Variants in ZNF133 observed in about 807,000 individuals in gnomAD.
ZNF133 encodes the protein zinc finger protein 133 (clone pHZ-13).
Under a neutral mutation model 54.9 loss-of-function variants are expected in ZNF133, and 26 were observed. The ratio of observed to expected loss-of-function variants is 0.47; its 90% confidence interval spans 0.35 to 0.66. ZNF133 has a LOEUF of 0.66. ZNF133 is among the 30% of genes least tolerant of loss of function. ZNF133 has a pLI of 0.01. For synonymous variants in ZNF133, 298 were observed against 320.3 expected, an observed-to-expected ratio of 0.93 and a Z score of 0.74; for missense variants, 653 against 820.8, an observed-to-expected ratio of 0.80 and a Z score of 2.50.
chr20:18,302,451 G>C (rs2043592562), intron 3 of ZNF133, among the ~76,000 whole-genome samples: 1 of 148,298 alleles, frequency 6.7e-6, no homozygotes, highest in Non-Finnish European at 1.5e-5. Context: ...CACATTAACA[G>C]ATGAAAGAAA....
chr20:18,315,534 AC>A lies in ZNF133; in HGVS notation c.685del (p.Leu229CysfsTer25). The A allele has an allele frequency of 6.2e-7, 1 of 1,614,182 alleles. No homozygotes were observed. Among genetic ancestry groups the A allele is most frequent in the Non-Finnish European group, 8.5e-7 (1 of 1,180,032 alleles). On this transcript the variant is annotated frameshift_variant, in exon 7 of 7. Coordinates refer to ENST00000425686, the MANE Select transcript of ZNF133 (RefSeq NM_001352452.2). LOFTEE classifies it high-confidence loss of function. Reference protein sequence around the residue: ...ECGLSFSKMTNLLSHQRIHSG... With the variant: ...ECGLSFSKMTXLLSHQRIHSG... ...GGACTGAGCTTCAGCAAGATGACAA[AC>A]CTGCTCAGTCACCAGCGGATACACT... is the stretch of plus-strand genomic sequence containing the variant.
intron 1 of ZNF133, among the ~76,000 whole-genome samples, chr20:18,292,825 G>T (rs759670415): frequency 1.3e-5 from 2 of 152,172 alleles, no homozygotes; most frequent in Non-Finnish European, 2.9e-5. Flanking sequence ...CCAAATGAAG[G>T]CATAATCCAT....
At chr20:18,307,381 T>G (rs991467238) in intron 6 of ZNF133, among the ~76,000 whole-genome samples, 1 of 152,236 alleles carries the variant, frequency 6.6e-6, no homozygotes, top group African/African-American at 2.4e-5. Context: ...GAAGTGTATC[T>G]TCGCTCGATG....
intron 1 of ZNF133, among the ~76,000 whole-genome samples, chr20:18,296,601 CTTCCA>C (rs2147056047): frequency 6.6e-6 from 1 of 152,274 alleles, no homozygotes; most frequent in South Asian, 2.1e-4. Flanking sequence ...TGTCAATTTC[CTTCCA>C]TTTTAAGTCT....
At chr20:18,308,964 A>G (rs144282856) in intron 6 of ZNF133, among the ~76,000 whole-genome samples, 90 of 152,332 alleles carry the variant, frequency 5.9e-4, no homozygotes, top group African/African-American at 1.9e-3. Context: ...AAATTCATTT[A>G]GTTATAGTTC....
At position 18,294,276 on chromosome 20, in the gene ZNF133, C is replaced by T. The variant is rs550976610; in HGVS notation, c.-431-3709C>T. Among the ~76,000 whole-genome samples the T allele has an allele frequency of 9.8e-4, 149 of 152,206 alleles. 1 individual carries two copies. The South Asian group carries it at 0.03, about 31-fold the overall frequency. ...ACTCGTTCTAATCATGAAAAAACAT[C>T]GGACAAACCAAAACTGAGGGATACC... On this transcript the variant is annotated intron_variant, in intron 1 of 6. Transcript: ENST00000425686.
chr20:18,316,593 G>C lies in ZNF133; in HGVS notation c.1742G>C (p.Arg581Thr), dbSNP rs546838306. The C allele has an allele frequency of 1.5e-5, 24 of 1,613,928 alleles. No homozygotes were observed. The highest frequency in any genetic ancestry group is 5.5e-5 in the South Asian group (5 of 91,082). The change falls in exon 7 of 7, where the codon AGA becomes ACA. Residue 581 changes from arginine to threonine, a missense_variant. By Grantham distance (71) the Arg-to-Thr change is moderately conservative (BLOSUM62 -1). Transcript: ENST00000425686. ...TCGGAAGAGAAGCCTTGTGTGTGCA[G>C]AGAGTGTGGCCAAGGCTTTCTCCAA... ...AHSEEKPCVCRECGQGFLQKS... is the reference protein window; with the variant it reads ...AHSEEKPCVCTECGQGFLQKS...
intron 6 of ZNF133, among the ~76,000 whole-genome samples, chr20:18,312,329 GT>G (rs1396588966): frequency 6.6e-6 from 1 of 152,212 alleles, no homozygotes. Context: ...AGTCTTGGAA[GT>G]TTAGATTAGT....
chr20:18,298,162 A>G lies in ZNF133; in HGVS notation c.-354+100A>G, dbSNP rs1043320513. ...TGGTGCCTAGTAGAGTTCAGCTCCA[A>G]TTCCTCTTACTTGCTCCCCTGCCTC... On this transcript the variant is annotated intron_variant, in intron 2 of 6. Transcript: ENST00000425686. 113 of 1,524,058 alleles carry G rather than the reference A, an allele frequency of 7.4e-5. 1 individual carries two copies. In the East Asian group the frequency reaches 2.4e-3, roughly 33 times the overall value. The allele number at this position is 1,524,058 out of a possible 1,614,324, so 94.4% of individuals were successfully genotyped here.
chr20:18,299,477 T>G (rs1320717040), intron 3 of ZNF133, among the ~76,000 whole-genome samples: 1 of 152,120 alleles, frequency 6.6e-6, no homozygotes, highest in East Asian at 1.9e-4. Flanking sequence ...AACTATGCCT[T>G]ATGGGATTCC....
intron 6 of ZNF133, among the ~76,000 whole-genome samples, chr20:18,309,038 A>T (rs1333486799): frequency 6.6e-6 from 1 of 152,178 alleles, no homozygotes; most frequent in Non-Finnish European, 1.5e-5. Flanking sequence ...CTCACTCCTG[A>T]ACTTACAGAT....
Position 18,315,413 on chromosome 20 carries a change from GCCAGC to G in ZNF133, c.568_572del (p.Pro190SerfsTer6), listed in dbSNP as rs752345582. ...CGGCCTCAGAGGGGTGGAGTTAGAA[GCCAGC>G]CCAGCTCAGTCAGGGAACCCTGAGG... On this transcript the variant is annotated frameshift_variant, in exon 7 of 7. Transcript: ENST00000425686. LOFTEE classifies it high-confidence loss of function. 1 of 1,614,122 alleles carries G rather than the reference GCCAGC, an allele frequency of 6.2e-7. No homozygotes were observed. Among genetic ancestry groups the G allele is most frequent in the Non-Finnish European group, 8.5e-7 (1 of 1,179,964 alleles).
rs1031184989 is a variant in ZNF133, at chr20:18,310,349, A to G, written c.217+3956A>G. On this transcript the variant is annotated intron_variant, in intron 6 of 6. Coordinates refer to ENST00000425686, the MANE Select transcript of ZNF133 (RefSeq NM_001352452.2). ...ACGGTTTCATTATTCTATATTTGGG[A>G]CTTGGATTTAAGACAGGCAATATCA... 48 of 1,511,980 alleles carry G rather than the reference A, an allele frequency of 3.2e-5. 1 individual carries two copies. In the East Asian group the frequency reaches 1.1e-3, roughly 34 times the overall value. 93.7% of individuals were successfully genotyped at this position (1,511,980 alleles called of 1,614,324 possible).
intron 3 of ZNF133, among the ~76,000 whole-genome samples, chr20:18,299,005 G>C (rs1392742878): frequency 1.3e-5 from 2 of 152,074 alleles, no homozygotes; most frequent in Non-Finnish European, 2.9e-5. Flanking sequence ...CTCTAACAGA[G>C]TTGCTGCTTT....
chr20:18,308,010 T>C (rs1483044099), intron 6 of ZNF133, among the ~76,000 whole-genome samples: 2 of 152,216 alleles, frequency 1.3e-5, no homozygotes, highest in East Asian at 3.8e-4. Flanking sequence ...AAGAGAAGTG[T>C]ATGAAAGAGT....
At chr20:18,313,086 C>G (rs1295866774) in intron 6 of ZNF133, 1 of 152,074 alleles carries the variant, frequency 6.6e-6, no homozygotes, top group East Asian at 1.9e-4. Context: ...CTCTATAAAC[C>G]TATCAGTGCA....
At chr20:18,303,861 A>G (rs1279045994) in intron 3 of ZNF133, among the ~76,000 whole-genome samples, 1 of 152,226 alleles carries the variant, frequency 6.6e-6, no homozygotes, top group Non-Finnish European at 1.5e-5. Context: ...CTAGGCAAAC[A>G]TCTTTATAAC....
intron 6 of ZNF133, chr20:18,312,740 A>T (rs2046362468): frequency 6.6e-6 from 1 of 152,132 alleles, no homozygotes. Flanking sequence ...TTTGAGACAG[A>T]ATCTTGCTCT....
At chr20:18,300,454 G>A (rs933326482) in intron 3 of ZNF133, among the ~76,000 whole-genome samples, 1 of 152,018 alleles carries the variant, frequency 6.6e-6, no homozygotes, top group African/African-American at 2.4e-5. Context: ...AAAACAAAAA[G>A]CAAAATAGCA....
Sources: gnomAD v4.1 joint callset for allele counts (sites outside exome capture counted in the v4.1 genomes callset) on GRCh38, gnomAD v4.1.1 for gene constraint, MANE v1.5 for transcripts, NCBI Gene and HGNC (gene_info 2026-07-23, HGNC 2026-07-21) for gene names.